The following DOCK5 variants were observed in gnomAD, a reference collection of about 807,000 sequenced individuals.
DOCK5 encodes dedicator of cytokinesis protein 5.
In DOCK5, 142 loss-of-function variants were observed where a neutral mutation model predicts 251.8. That is an observed-to-expected ratio of 0.56 (90% CI 0.49 to 0.65). The LOEUF (loss-of-function observed/expected upper bound fraction) is 0.65. Ranked by LOEUF, DOCK5 falls within the 30% of genes least tolerant of loss-of-function variation. DOCK5 has a pLI of 0.00. For synonymous variants in DOCK5, 842 were observed against 835.5 expected (o/e 1.01, Z -0.13); for missense variants, 2,111 against 2,312.3 (o/e 0.91, Z 1.79).
chr8:25,346,561 C>G (rs868768576), intron 26 of DOCK5, among the ~76,000 whole-genome samples: 1 of 97,656 alleles, frequency 1.0e-5, no homozygotes, highest in Non-Finnish European at 2.1e-5. Context: ...CGTGGTGGCT[C>G]ACGCCTGTAA....
chr8:25,206,808 C>T (rs1409236784), intron 1 of DOCK5, among the ~76,000 whole-genome samples: 1 of 152,186 alleles, frequency 6.6e-6, no homozygotes, highest in East Asian at 1.9e-4. Flanking sequence ...ATATGTTTTG[C>T]CACAGGGGCA....
intron 48 of DOCK5, among the ~76,000 whole-genome samples, chr8:25,405,563 G>C (rs942456250): frequency 6.6e-6 from 1 of 151,630 alleles, no homozygotes; most frequent in Non-Finnish European, 1.5e-5. Context: ...AATTATTATA[G>C]ATATAAAACA....
chr8:25,368,904 G>A (rs1800825115), intron 33 of DOCK5, among the ~76,000 whole-genome samples, 179 bp downstream of exon 33: 1 of 152,204 alleles, frequency 6.6e-6, no homozygotes, highest in African/African-American at 2.4e-5. Context: ...GCAACCCAGA[G>A]CCTGGAAAAG....
intron 48 of DOCK5, among the ~76,000 whole-genome samples, chr8:25,405,910 C>T (rs1217068020): frequency 1.3e-5 from 2 of 151,978 alleles, no homozygotes; most frequent in Admixed American, 6.6e-5. Flanking sequence ...AGATAACCAC[C>T]GTTAAAGCTC....
intron 38 of DOCK5, among the ~76,000 whole-genome samples, 178 bp downstream of exon 38, chr8:25,377,602 T>C (rs1398211631): frequency 6.6e-6 from 1 of 152,222 alleles, no homozygotes; most frequent in African/African-American, 2.4e-5. Context: ...CCCAGTCCAT[T>C]CACAGTTCTG....
intron 1 of DOCK5, among the ~76,000 whole-genome samples, chr8:25,220,119 T>C (rs1802345338): frequency 6.6e-6 from 1 of 152,122 alleles, no homozygotes; most frequent in Non-Finnish European, 1.5e-5. Flanking sequence ...TAGTTTTTCC[T>C]CTAATACTTG....
At chr8:25,388,100 T>C (rs1039950684) in intron 40 of DOCK5, among the ~76,000 whole-genome samples, 1 of 152,212 alleles carries the variant, frequency 6.6e-6, no homozygotes, top group African/African-American at 2.4e-5. Context: ...GAAAGTGTAA[T>C]TGCCCTCACG....
At chr8:25,380,910 T>G (rs571109638) in intron 39 of DOCK5, among the ~76,000 whole-genome samples, 2 of 150,852 alleles carry the variant, frequency 1.3e-5, no homozygotes, top group African/African-American at 4.9e-5. Flanking sequence ...GAATGCCCAG[T>G]GGAGGCAGCA....
rs113607411 is a variant in DOCK5 at position 25,392,957 on chromosome 8, C to T, written c.4527+75C>T. 212 of 1,300,646 alleles carry T rather than the reference C, an allele frequency of 1.6e-4. 2 individuals are homozygous for T. In the African/African-American group the frequency reaches 2.9e-3, roughly 18 times the overall value. The allele number at this position is 1,300,646 out of a possible 1,614,324, so 80.6% of individuals were successfully genotyped here. On this transcript the variant is annotated intron_variant, in intron 44 of 51. Transcript: ENST00000276440. ...ATAATAACAGCCTTTGTTGAATTCC[C>T]TCTGCAGTTCACACCAGCTTGGCCA...
At chr8:25,399,842 C>A in intron 45 of DOCK5, 69 bp from the exon 46 acceptor site, 2 of 1,237,098 alleles carry the variant, frequency 1.6e-6, no homozygotes, top group Non-Finnish European at 2.3e-6. Flanking sequence ...ACACATGTTT[C>A]ACCCTTCCAG....
intron 3 of DOCK5, chr8:25,271,223 C>G (rs1321074537): frequency 6.0e-6 from 1 of 167,254 alleles, no homozygotes; most frequent in East Asian, 1.6e-4. Flanking sequence ...AGCTTAAAAT[C>G]TCACCCTTCA....
At chr8:25,216,151 A>G (rs909873619) in intron 1 of DOCK5, among the ~76,000 whole-genome samples, 3 of 149,804 alleles carry the variant, frequency 2.0e-5, no homozygotes, top group African/African-American at 7.4e-5. Flanking sequence ...CGTGTATACA[A>G]TATGTATATA....
intron 1 of DOCK5, among the ~76,000 whole-genome samples, chr8:25,223,364 G>A (rs990270517): frequency 3.3e-5 from 5 of 152,092 alleles, no homozygotes; most frequent in Admixed American, 3.3e-4. Context: ...ATCTGGGCTG[G>A]CATAAAGTGG....
intron 20 of DOCK5, among the ~76,000 whole-genome samples, chr8:25,333,592 A>G (rs1381940228): frequency 6.6e-6 from 1 of 152,164 alleles, no homozygotes; most frequent in African/African-American, 2.4e-5. Flanking sequence ...TGTCTTAAAC[A>G]GGGTAGTGTG....
At chr8:25,336,782 A>AACTAAGC (rs1183258774) in intron 22 of DOCK5, among the ~76,000 whole-genome samples, 2 of 152,200 alleles carry the variant, frequency 1.3e-5, no homozygotes, top group African/African-American at 4.8e-5. Flanking sequence ...CTACCTGGGC[A>AACTAAGC]ACTAAGCACT....
chr8:25,284,215 C>T (rs540941884), intron 5 of DOCK5, among the ~76,000 whole-genome samples: 1 of 152,094 alleles, frequency 6.6e-6, no homozygotes, highest in Admixed American at 6.6e-5. Context: ...TGCTATATGC[C>T]TTGCAAATTT....
At chr8:25,337,639 G>T (rs998080837) in intron 22 of DOCK5, among the ~76,000 whole-genome samples, 15 of 147,444 alleles carry the variant, frequency 1.0e-4, no homozygotes, top group Non-Finnish European at 1.8e-4. Flanking sequence ...AGGCTGGAGT[G>T]CAGTGGTGTA....
rs763789921 is a variant in DOCK5 at position 25,372,712 on chromosome 8, C to T, written c.3678C>T (p.Asn1226=). Residue 1226 remains asparagine (N), a synonymous_variant, in exon 35 of 52, where the codon AAC becomes AAT. Transcript: ENST00000276440. ...SKENRMSCTV[N]VLNFYKEKKR... ...AGAACCGTATGAGCTGCACTGTGAACGTGCTGGTATGTGACATGCCTCCGG... is the reference window on the plus strand; with the variant it reads ...AGAACCGTATGAGCTGCACTGTGAATGTGCTGGTATGTGACATGCCTCCGG... 36 of 1,609,954 alleles carry T rather than the reference C, an allele frequency of 2.2e-5. No individual in the cohort carries two copies. In the South Asian group the frequency reaches 3.6e-4, roughly 16 times the overall value.
intron 1 of DOCK5, among the ~76,000 whole-genome samples, chr8:25,208,349 T>C (rs1468688535): frequency 6.6e-6 from 1 of 152,102 alleles, no homozygotes; most frequent in Non-Finnish European, 1.5e-5. Flanking sequence ...ATACTGTGGG[T>C]GAAATACTAT....
Sources: gnomAD v4.1 joint callset for allele counts (sites outside exome capture counted in the v4.1 genomes callset) on GRCh38, gnomAD v4.1.1 for gene constraint, MANE v1.5 for transcripts, NCBI Gene and HGNC (gene_info 2026-07-23, HGNC 2026-07-21) for gene names.